Variants in ARHGAP10 observed in about 807,000 individuals in gnomAD.
The protein encoded by ARHGAP10 is Rho GTPase activating protein 10, also known as rho GTPase-activating protein 10.
A neutral mutation model predicts 108.6 loss-of-function variants in ARHGAP10; 87 were observed. The observed-to-expected ratio is 0.80, with a 90% CI of 0.67 to 0.96. ARHGAP10 has a LOEUF of 0.96. Among genes scored for constraint, ARHGAP10 ranks in the 40% least tolerant of loss-of-function variants. The pLI, the probability that ARHGAP10 is intolerant of heterozygous loss-of-function variation, is 0.00. For synonymous variants in ARHGAP10, 347 were observed against 341.1 expected (o/e 1.02, Z -0.19); for missense variants, 939 against 954.5 (o/e 0.98, Z 0.21).
At chr4:148,022,902 A>G (rs1741622640) in intron 18 of ARHGAP10, among the ~76,000 whole-genome samples, 1 of 152,206 alleles carries the variant, frequency 6.6e-6, no homozygotes, top group Non-Finnish European at 1.5e-5. Flanking sequence ...CCTTCCATAA[A>G]ATTTAATGGA....
At chr4:147,766,905 G>C (rs1035926270) in intron 1 of ARHGAP10, among the ~76,000 whole-genome samples, 1 of 149,644 alleles carries the variant, frequency 6.7e-6, no homozygotes, top group African/African-American at 2.5e-5. Flanking sequence ...AGTGAGTGCA[G>C]TAGTGTGATC....
At chr4:147,786,490 A>G (rs1421464903) in intron 1 of ARHGAP10, among the ~76,000 whole-genome samples, 3 of 152,092 alleles carry the variant, frequency 2.0e-5, no homozygotes, top group East Asian at 1.9e-4. Context: ...CCGCTTTTTC[A>G]TTGATCTCTT....
At chr4:147,978,548 G>A (rs939334041) in intron 18 of ARHGAP10, among the ~76,000 whole-genome samples, 1 of 152,108 alleles carries the variant, frequency 6.6e-6, no homozygotes, top group African/African-American at 2.4e-5. Flanking sequence ...TTAAAAGTGT[G>A]TGGCACTTCC....
chr4:147,939,886 G>A lies in ARHGAP10; in HGVS notation c.1290G>A (p.Leu430=). The change falls in exon 14 of 23, where the codon CTG becomes CTA. Residue 430 remains leucine, a synonymous_variant. Coordinates refer to ENST00000336498, the MANE Select transcript of ARHGAP10 (RefSeq NM_024605.4). ...VGVSSKVQRL[L]SMLMDVKTCN... is the part of the protein sequence containing the mutation. ...TGAGTTCAAAGGTCCAGAGACTTCT[G>A]AGTATGTTGATGGGTATGCCTCTTT... The A allele has an allele frequency of 1.2e-6, 2 of 1,613,826 alleles. No homozygotes were observed. Among genetic ancestry groups the A allele is most frequent in the Non-Finnish European group, 1.7e-6 (2 of 1,179,778 alleles).
chr4:147,736,465 G>A (rs1472267330), intron 1 of ARHGAP10, among the ~76,000 whole-genome samples: 2 of 152,084 alleles, frequency 1.3e-5, no homozygotes, highest in Non-Finnish European at 2.9e-5. Context: ...TTGTAAACTT[G>A]AGCCTTGGTT....
At chr4:147,860,062 A>G (rs1301636879) in intron 5 of ARHGAP10, among the ~76,000 whole-genome samples, 2 of 152,236 alleles carry the variant, frequency 1.3e-5, no homozygotes, top group African/African-American at 4.8e-5. Flanking sequence ...GAGATGCTCA[A>G]GAGATTCATA....
At chr4:147,994,318 A>G (rs1229080599) in intron 18 of ARHGAP10, among the ~76,000 whole-genome samples, 1 of 152,220 alleles carries the variant, frequency 6.6e-6, no homozygotes, top group African/African-American at 2.4e-5. Flanking sequence ...CATGAGCTTT[A>G]TATAGTTGCT....
At chr4:148,047,246 G>A (rs1292307843) in intron 20 of ARHGAP10, among the ~76,000 whole-genome samples, 195 bp downstream of exon 20, 1 of 152,166 alleles carries the variant, frequency 6.6e-6, no homozygotes, top group East Asian at 1.9e-4. Flanking sequence ...TGTGTTTCTA[G>A]TATGGAAGGG....
chr4:148,049,506 T>C (rs1033087398), intron 20 of ARHGAP10, among the ~76,000 whole-genome samples: 2 of 152,162 alleles, frequency 1.3e-5, no homozygotes, highest in African/African-American at 4.8e-5. Context: ...TCTCTTTGCC[T>C]CAAATATCTG....
At chr4:147,907,125 TG>T (rs1264706611) in intron 11 of ARHGAP10, among the ~76,000 whole-genome samples, 1 of 152,206 alleles carries the variant, frequency 6.6e-6, no homozygotes, top group East Asian at 1.9e-4. Flanking sequence ...GTAATTGTTT[TG>T]CTTGATGTAA....
intron 16 of ARHGAP10, among the ~76,000 whole-genome samples, chr4:147,963,445 C>G (rs1355502945): frequency 6.6e-6 from 1 of 152,188 alleles, no homozygotes; most frequent in East Asian, 1.9e-4. Flanking sequence ...GAACCTAATT[C>G]TCTTTTGTCA....
intron 1 of ARHGAP10, among the ~76,000 whole-genome samples, chr4:147,749,548 A>G (rs1729059948): frequency 6.6e-6 from 1 of 152,268 alleles, no homozygotes; most frequent in Non-Finnish European, 1.5e-5. Context: ...TGGAAATTAG[A>G]ACATATGTAT....
chr4:147,866,438 T>C (rs1015118806), intron 6 of ARHGAP10: 2 of 313,974 alleles, frequency 6.4e-6, no homozygotes, highest in African/African-American at 4.3e-5. Context: ...AGAGGACAAA[T>C]GGATGACTTA....
chr4:148,027,417 G>A (rs909082410), intron 19 of ARHGAP10, among the ~76,000 whole-genome samples: 2 of 152,198 alleles, frequency 1.3e-5, no homozygotes, highest in African/African-American at 2.4e-5. Flanking sequence ...TTTGGATCAC[G>A]AATGTGCTAA....
chr4:148,023,081 G>T, intron 18 of ARHGAP10, 182 bp from the exon 19 acceptor site: 1 of 520,456 alleles, frequency 1.9e-6, no homozygotes, highest in East Asian at 3.0e-5. Context: ...ATTTTATTTT[G>T]GAATCTTCTG....
At chr4:147,986,409 T>C (rs1177533670) in intron 18 of ARHGAP10, among the ~76,000 whole-genome samples, 1 of 152,204 alleles carries the variant, frequency 6.6e-6, no homozygotes, top group African/African-American at 2.4e-5. Flanking sequence ...TGATGAAGTA[T>C]ATACAAATAT....
chr4:147,988,763 G>A (rs1464712769), intron 18 of ARHGAP10, among the ~76,000 whole-genome samples: 1 of 152,142 alleles, frequency 6.6e-6, no homozygotes, highest in Non-Finnish European at 1.5e-5. Flanking sequence ...ACACTTCCGT[G>A]TAGGAACTGA....
At chr4:147,946,848 C>A in intron 15 of ARHGAP10, 144 bp downstream of exon 15, 1 of 542,404 alleles carries the variant, frequency 1.8e-6, no homozygotes. Flanking sequence ...CTCAGTGTCC[C>A]AGAAAGAAAG....
Position 147,870,928 on chromosome 4 carries a change from C to CTCTGTGTG in ARHGAP10, c.703-4092_703-4091insCTGTGTGT, listed in dbSNP as rs980899526. Among the ~76,000 whole-genome samples the CTCTGTGTG allele has an allele frequency of 3.2e-4, 45 of 139,156 alleles. No homozygotes were observed. In the South Asian group the frequency reaches 7.7e-3, roughly 24 times the overall value. The allele number at this position is 139,156 out of a possible 152,430, so 91.3% of individuals were successfully genotyped here. ...GAAAGTAGAATACCAAAACTACAGA[C>CTCTGTGTG]TGTGTGTGTGTGTGTGTGTGTGTGT... On this transcript the variant is annotated intron_variant, in intron 7 of 22. Transcript: ENST00000336498.
Sources: allele counts gnomAD v4.1 joint callset (sites outside exome capture counted in the v4.1 genomes callset), GRCh38; gene constraint gnomAD v4.1.1; transcripts MANE v1.5; gene names NCBI Gene and HGNC (gene_info 2026-07-23, HGNC 2026-07-21).